RNF13: variants seen among roughly 807,000 people sequenced by gnomAD.
RNF13 encodes E3 ubiquitin-protein ligase RNF13.
A neutral mutation model predicts 37.7 loss-of-function variants in RNF13; 19 were observed. The observed-to-expected ratio is 0.50, with a 90% CI of 0.35 to 0.74. RNF13 has a LOEUF of 0.74. RNF13 is among the 30% of genes least tolerant of loss of function. The pLI, the probability that RNF13 is intolerant of heterozygous loss-of-function variation, is 0.01. For missense variants in RNF13, 375 were observed against 453.0 expected (o/e 0.83, Z 1.56); for synonymous variants, 144 against 157.8 (o/e 0.91, Z 0.65).
Position 149,956,217 on chromosome 3 carries a change from C to T in RNF13, c.701-3839C>T, listed in dbSNP as rs1056802141. Among the ~76,000 whole-genome samples, 6 of 152,080 alleles carry T rather than the reference C, an allele frequency of 3.9e-5. No individual in the cohort carries two copies. The South Asian group carries it at 1.0e-3, about 26-fold the overall frequency. The stretch of plus-strand genomic sequence containing the variant: ...CATTTTTAAAAGATCACTCTAGGTG[C>T]TAAAAACTACATGGGGCAGGACTAG... On this transcript the variant is annotated intron_variant, in intron 8 of 9. Transcript: ENST00000392894.
chr3:149,960,596 A>AC (rs1722303585), intron 9 of RNF13, 144 bp from the exon 10 acceptor site: 2 of 822,434 alleles, frequency 2.4e-6, no homozygotes, highest in African/African-American at 3.6e-5. Flanking sequence ...CATCTCAAAA[A>AC]AAAATAAAAA....
intron 6 of RNF13, 68 bp from the exon 7 acceptor site, chr3:149,911,909 CT>C: frequency 1.2e-6 from 1 of 818,772 alleles, no homozygotes; most frequent in South Asian, 1.5e-5. Context: ...ATATTTTTTC[CT>C]GTTTTTAATT....
chr3:149,917,382 G>A (rs12185999), intron 7 of RNF13: 4,052 of 152,282 alleles, frequency 0.027, 69 homozygotes, highest in South Asian at 0.037. Context: ...TTCTTGCACT[G>A]CACGGGGGTC....
intron 3 of RNF13, among the ~76,000 whole-genome samples, chr3:149,858,059 C>T (rs1200698749): frequency 2.6e-5 from 4 of 152,090 alleles, no homozygotes; most frequent in Admixed American, 2.6e-4. Context: ...GTTATAAAGC[C>T]AGGACACCGC....
At chr3:149,922,915 C>T (rs1268494182) in intron 8 of RNF13, among the ~76,000 whole-genome samples, 1 of 152,088 alleles carries the variant, frequency 6.6e-6, no homozygotes, top group East Asian at 1.9e-4. Flanking sequence ...TTTTGGCTGG[C>T]ACTTCCCAGA....
chr3:149,889,286 A>AGT lies in RNF13; in HGVS notation c.322-6183_322-6182dup, dbSNP rs1390991976. The stretch of plus-strand genomic sequence containing the variant: ...TTAATGTGCTGAAAATCTGAATTTG[A>AGT]GTGTGCGTGTGTGTGTGTGTGTGTG... On this transcript the variant is annotated intron_variant, in intron 4 of 9. Coordinates refer to ENST00000392894, the MANE Select transcript of RNF13 (RefSeq NM_183381.3). 7.3e-3 allele frequency among the ~76,000 whole-genome samples: 333 copies of AGT among 45,386 alleles called. 1 individual carries two copies. The highest frequency in any genetic ancestry group is 4.8e-3 in the African/African-American group (57 of 11,774). The allele number at this position is 45,386 out of a possible 152,430, so 29.8% of individuals were successfully genotyped here.
intron 1 of RNF13, among the ~76,000 whole-genome samples, chr3:149,843,390 G>A (rs1722354034): frequency 6.6e-6 from 1 of 152,178 alleles, no homozygotes; most frequent in Non-Finnish European, 1.5e-5. Context: ...ATGAGCACTA[G>A]TTGTTCCTTA....
At position 149,835,842 on chromosome 3, in the gene RNF13, GTGGGATTGCTGGATCCCCAGTAC is replaced by G. The variant is rs1455097270; in HGVS notation, c.-16-10154_-16-10132del. On this transcript the variant is annotated intron_variant, in intron 1 of 9. Coordinates refer to ENST00000392894, the MANE Select transcript of RNF13 (RefSeq NM_183381.3). ...GGTTGGGATTGCTGGATCCCCAGTA[GTGGGATTGCTGGATCCCCAGTAC>G]TGGGATTGCTGGATTCCCAGTACTG... 8.5e-4 allele frequency among the ~76,000 whole-genome samples: 117 copies of G among 137,664 alleles called. 2 individuals carry two copies. In the South Asian group the frequency reaches 0.022, roughly 26 times the overall value. 90.3% of individuals were successfully genotyped at this position (137,664 alleles called of 152,430 possible).
At chr3:149,957,309 C>T (rs1721961036) in intron 8 of RNF13, among the ~76,000 whole-genome samples, 2 of 152,088 alleles carry the variant, frequency 1.3e-5, no homozygotes, top group South Asian at 2.1e-4. Context: ...TTCATCCTTG[C>T]TTTCTACATT....
intron 8 of RNF13, among the ~76,000 whole-genome samples, chr3:149,927,155 C>T (rs1239158740): frequency 6.6e-6 from 1 of 152,174 alleles, no homozygotes; most frequent in Admixed American, 6.5e-5. Context: ...ATTTCCACTT[C>T]CCCCCAGCCA....
chr3:149,840,888 AGTATACTGGATT>A (rs1031940211), intron 1 of RNF13, among the ~76,000 whole-genome samples: 9 of 152,236 alleles, frequency 5.9e-5, no homozygotes, highest in Non-Finnish European at 1.3e-4. Flanking sequence ...CCTACCAAAG[AGTATACTGGATT>A]GTAACCAGTG....
intron 1 of RNF13, among the ~76,000 whole-genome samples, chr3:149,824,391 T>A (rs917492665): frequency 6.6e-6 from 1 of 152,168 alleles, no homozygotes; most frequent in Non-Finnish European, 1.5e-5. Flanking sequence ...ATCACAAGTG[T>A]CCTTAAAAAT....
chr3:149,860,287 A>G (rs1724115499), intron 3 of RNF13, among the ~76,000 whole-genome samples: 1 of 142,688 alleles, frequency 7.0e-6, no homozygotes, highest in African/African-American at 2.5e-5. Flanking sequence ...ATATATATAT[A>G]TATATATATA....
intron 1 of RNF13, among the ~76,000 whole-genome samples, chr3:149,829,361 A>G (rs542093711): frequency 1.2e-4 from 18 of 152,114 alleles, no homozygotes; most frequent in African/African-American, 1.7e-4. Context: ...CGGCCTCCCA[A>G]AGTGTTGGGA....
intron 8 of RNF13, among the ~76,000 whole-genome samples, chr3:149,950,166 T>C (rs1203624464): frequency 6.6e-6 from 1 of 152,222 alleles, no homozygotes; most frequent in Non-Finnish European, 1.5e-5. Flanking sequence ...TCTCTTTGCC[T>C]ACATTAACCA....
intron 1 of RNF13, among the ~76,000 whole-genome samples, chr3:149,834,114 C>T (rs1419648792): frequency 6.6e-6 from 1 of 152,084 alleles, no homozygotes; most frequent in African/African-American, 2.4e-5. Context: ...ATAAAGAGGA[C>T]ATAAATAAAT....
At chr3:149,854,582 C>A (rs1490647677) in intron 3 of RNF13, among the ~76,000 whole-genome samples, 1 of 152,192 alleles carries the variant, frequency 6.6e-6, no homozygotes. Flanking sequence ...GTATCATAGC[C>A]TGGACAGGCA....
intron 8 of RNF13, among the ~76,000 whole-genome samples, chr3:149,936,115 A>G (rs1719645352): frequency 1.3e-5 from 2 of 151,830 alleles, no homozygotes; most frequent in African/African-American, 2.4e-5. Flanking sequence ...CAGATGAATT[A>G]GAGCTCTTTA....
intron 1 of RNF13, among the ~76,000 whole-genome samples, chr3:149,838,470 G>A (rs1482863975): frequency 1.3e-5 from 2 of 152,134 alleles, no homozygotes; most frequent in African/African-American, 2.4e-5. Flanking sequence ...CTGTAATCCA[G>A]GCAGAGGTTC....
Sources: allele counts gnomAD v4.1 joint callset (sites outside exome capture counted in the v4.1 genomes callset), GRCh38; gene constraint gnomAD v4.1.1; transcripts MANE v1.5; gene names NCBI Gene and HGNC (gene_info 2026-07-23, HGNC 2026-07-21).